The following ZZEF1 variants were observed in gnomAD, a reference collection of about 807,000 sequenced individuals.
ZZEF1 encodes the protein zinc finger ZZ-type and EF-hand domain-containing protein 1.
ZZEF1 carries 157 observed loss-of-function variants against 342.8 expected under a neutral mutation model. That is an observed-to-expected ratio of 0.46 (90% CI 0.40 to 0.52). The LOEUF is 0.52. Among genes scored for constraint, ZZEF1 ranks in the 20% least tolerant of loss-of-function variants. The pLI, the probability that ZZEF1 is intolerant of heterozygous loss-of-function variation, is 0.00. For synonymous variants in ZZEF1, 1,505 were observed against 1,429.1 expected, an observed-to-expected ratio of 1.05 and a Z score of -1.20; for missense variants, 3,480 against 3,725.6, an observed-to-expected ratio of 0.93 and a Z score of 1.72.
Position 4,062,906 on chromosome 17 carries a change from A to T in ZZEF1, c.4730T>A (p.Val1577Asp), listed in dbSNP as rs1214969897. 3 of 1,611,212 alleles carry T rather than the reference A, an allele frequency of 1.9e-6. No homozygotes were observed. The highest frequency in any genetic ancestry group is 2.5e-6 in the Non-Finnish European group (3 of 1,179,114). ...QSLSHRSVVK[V>D]LSLRKAQAQS... ...GGCCTGGGCTTTCCTCAGGGAAAGA[A>T]CCTTCACAACACTGGAGACACAATG... Residue 1577 changes from valine to aspartate, a missense_variant, in exon 30 of 55, where the codon GTT (valine) becomes GAT (aspartate). By Grantham distance (152) the Val-to-Asp change is radical. This residue lies in a region of ZZEF1 where 1,528 missense variants were observed against 1,624.1 expected (regional missense o/e 0.94). Transcript: ENST00000381638.
intron 9 of ZZEF1, among the ~76,000 whole-genome samples, chr17:4,101,188 C>A (rs1250060765): frequency 6.6e-6 from 1 of 152,132 alleles, no homozygotes; most frequent in Admixed American, 6.6e-5. Flanking sequence ...AGAGGAGGTG[C>A]AGCTGGGAAA....
At position 4,014,831 on chromosome 17, in the gene ZZEF1, G is replaced by C. The variant is rs1444787921; in HGVS notation, c.8146-316C>G. Among the ~76,000 whole-genome samples the C allele has an allele frequency of 1.3e-5, 2 of 152,208 alleles. No individual in the cohort carries two copies. Among genetic ancestry groups the C allele is most frequent in the Admixed American group, 1.3e-4 (2 of 15,280 alleles). ...GGAGACAAGGTGGACCTGAGTGCAT[G>C]GGGTGCATTTCAGACAGGGTAACAG... On this transcript the variant is annotated intron_variant, in intron 49 of 54. Coordinates refer to ENST00000381638, the MANE Select transcript of ZZEF1 (RefSeq NM_015113.4). This position sits in a 1 kb window ranked among gnomAD's most constrained non-coding sequence, Gnocchi z 4.4.
intron 30 of ZZEF1, among the ~76,000 whole-genome samples, chr17:4,060,833 C>T (rs1259229791): frequency 6.6e-6 from 1 of 152,204 alleles, no homozygotes; most frequent in Non-Finnish European, 1.5e-5. Flanking sequence ...TATTTCCTCA[C>T]TACTACAGAT....
chr17:4,018,111 A>G (rs112236527), intron 46 of ZZEF1, 140 bp from the exon 47 acceptor site: 11,594 of 1,115,986 alleles, frequency 0.01, 337 homozygotes, highest in African/African-American at 0.096. Context: ...TGTTTTGCCA[A>G]CTGGATTCAC....
chr17:4,139,103 A>G, intron 1 of ZZEF1, among the ~76,000 whole-genome samples: 1 of 139,964 alleles, frequency 7.1e-6, no homozygotes, highest in South Asian at 2.2e-4. Flanking sequence ...AACACTTGGA[A>G]ACTCTCAGCA....
intron 21 of ZZEF1, 59 bp downstream of exon 21, chr17:4,076,578 G>C (rs747652189): frequency 6.4e-6 from 10 of 1,570,378 alleles, no homozygotes; most frequent in Non-Finnish European, 8.7e-6. Flanking sequence ...ACTTCACTAA[G>C]TGTGTCCCAT....
intron 1 of ZZEF1, among the ~76,000 whole-genome samples, chr17:4,137,409 G>C (rs949505207): frequency 6.6e-6 from 1 of 152,162 alleles, no homozygotes; most frequent in Non-Finnish European, 1.5e-5. Context: ...AGGAGATCGA[G>C]ACCATCCTGG....
chr17:4,086,646 T>C lies in ZZEF1; in HGVS notation c.2352A>G (p.Glu784=), dbSNP rs746052011. 4.3e-6 allele frequency: 7 copies of C among 1,613,552 alleles called. 1 individual carries two copies. The South Asian group carries it at 4.4e-5, about 10-fold the overall frequency. Residue 784 remains glutamate, a synonymous_variant, in exon 15 of 55, where the codon GAA becomes GAG. Transcript: ENST00000381638. ...FYSKLKQNPR[E]ECVSAQTLLL... ...GCAGGGTTTGGGCAGAGACGCATTCTTCCCTCGGGCTACAGAAAGACAAAA... is the reference window on the plus strand; with the variant it reads ...GCAGGGTTTGGGCAGAGACGCATTCCTCCCTCGGGCTACAGAAAGACAAAA...
At chr17:4,055,277 C>G (rs1000438001) in intron 33 of ZZEF1, among the ~76,000 whole-genome samples, 1 of 152,164 alleles carries the variant, frequency 6.6e-6, no homozygotes, top group Non-Finnish European at 1.5e-5. Context: ...AGAGAAAAAG[C>G]CACAAAGGCC....
At chr17:4,048,127 T>TGAG (rs2056964684) in intron 37 of ZZEF1, among the ~76,000 whole-genome samples, 1 of 152,120 alleles carries the variant, frequency 6.6e-6, no homozygotes, top group Non-Finnish European at 1.5e-5. Context: ...GGCTCAAAGG[T>TGAG]GAGGACTACT....
intron 37 of ZZEF1, among the ~76,000 whole-genome samples, chr17:4,047,489 C>A (rs2056944212): frequency 6.6e-6 from 1 of 152,026 alleles, no homozygotes; most frequent in African/African-American, 2.4e-5. Flanking sequence ...ACAAAAACTA[C>A]AAAAATTAGC....
Position 4,014,983 on chromosome 17 carries a change from T to G in ZZEF1, c.8146-468A>C, listed in dbSNP as rs1281308081. ...GGACAAGACCTGACTCCAGAGAGAC[T>G]GGCAGGGGCAGACACTGAAGGCCCT... On this transcript the variant is annotated intron_variant, in intron 49 of 54. Transcript: ENST00000381638. This position sits in a 1 kb window ranked among gnomAD's most constrained non-coding sequence, Gnocchi z 4.4. Among the ~76,000 whole-genome samples, 1 of 152,098 alleles carries G rather than the reference T, an allele frequency of 6.6e-6. No individual in the cohort carries two copies. The highest frequency in any genetic ancestry group is 2.4e-5 in the African/African-American group (1 of 41,412).
chr17:4,079,076 C>T (rs1482595563), intron 18 of ZZEF1, among the ~76,000 whole-genome samples: 3 of 152,196 alleles, frequency 2.0e-5, no homozygotes, highest in Admixed American at 2.0e-4. Flanking sequence ...ATGGTATATA[C>T]AATTATGCGA....
chr17:4,018,223 T>A (rs2056167913), intron 46 of ZZEF1, among the ~76,000 whole-genome samples: 1 of 152,184 alleles, frequency 6.6e-6, no homozygotes, highest in African/African-American at 2.4e-5. Flanking sequence ...TTTCCATTTT[T>A]AAAATTAATT....
intron 52 of ZZEF1, among the ~76,000 whole-genome samples, chr17:4,012,730 T>G (rs1463300982): frequency 2.0e-5 from 3 of 152,198 alleles, no homozygotes; most frequent in Non-Finnish European, 2.9e-5. Flanking sequence ...ATGACACGAC[T>G]GTACACCAAA....
rs200071852 is a variant in ZZEF1, at chr17:4,014,064, G to A, written c.8413+26C>T. The A allele has an allele frequency of 2.5e-6, 4 of 1,607,572 alleles. No individual in the cohort carries two copies. Among genetic ancestry groups the A allele is most frequent in the African/African-American group, 2.7e-5 (2 of 74,896 alleles). ...GGAGTGTCCCTGGCAGGCAGATGGTGTGAACGCAAAGCCCAGAGCACACAC... is the reference window on the plus strand; with the variant it reads ...GGAGTGTCCCTGGCAGGCAGATGGTATGAACGCAAAGCCCAGAGCACACAC... On this transcript the variant is annotated intron_variant, in intron 51 of 54. Transcript: ENST00000381638. The surrounding 1 kb of genome is among the most constrained non-coding windows in gnomAD (Gnocchi z 4.4).
chr17:4,080,276 T>C (rs2057697257), intron 18 of ZZEF1, among the ~76,000 whole-genome samples: 1 of 152,212 alleles, frequency 6.6e-6, no homozygotes. Context: ...AAAGATAATA[T>C]ACTTTCAGAT....
chr17:4,112,766 A>C lies in ZZEF1; in HGVS notation c.909T>G (p.Ile303Met). 2 of 1,605,054 alleles carry C rather than the reference A, an allele frequency of 1.2e-6. No homozygotes were observed. Among genetic ancestry groups the C allele is most frequent in the African/African-American group, 1.3e-5 (1 of 74,852 alleles). Residue 303 changes from isoleucine (I) to methionine (M), a missense_variant, in exon 5 of 55, where the codon ATT becomes ATG. By Grantham distance (10) the Ile-to-Met change is conservative (BLOSUM62 1). This residue lies in a region of ZZEF1 where 92 missense variants were observed against 130.3 expected (regional missense o/e 0.71). Coordinates refer to ENST00000381638, the MANE Select transcript of ZZEF1 (RefSeq NM_015113.4). ...KPDVVLRHLS[I>M]AVAATDQSYM... Reference sequence around the variant, plus strand: ...AGCTCTGGTCAGTGGCAGCCACTGCAATGGACAGGTGCCTAAGCACAACAT... The same window carrying C: ...AGCTCTGGTCAGTGGCAGCCACTGCCATGGACAGGTGCCTAAGCACAACAT...
chr17:4,085,728 C>G lies in ZZEF1; in HGVS notation c.2588G>C (p.Gly863Ala). Residue 863 changes from glycine (G) to alanine (A), a missense_variant, in exon 16 of 55, where the codon GGG becomes GCG. By Grantham distance (60) the Gly-to-Ala change is moderately conservative (BLOSUM62 0). Transcript: ENST00000381638. ...TCGATTAGGAAAGAAGATGGCAGCC[C>G]CATTGAGAAGGGTATTCCTGACTTC... ...KQEVRNTLLN[G>A]AAIFFPNRQT... 1 of 1,614,114 alleles carries G rather than the reference C, an allele frequency of 6.2e-7. No homozygotes were observed.
Sources: gnomAD v4.1 joint callset for allele counts (sites outside exome capture counted in the v4.1 genomes callset) on GRCh38, gnomAD v4.1.1 for gene constraint, gnomAD v4.1.1 regional missense constraint, Gnocchi (gnomAD v3.1) non-coding constraint, MANE v1.5 for transcripts, NCBI Gene and HGNC (gene_info 2026-07-23, HGNC 2026-07-21) for gene names.